PLEKHJ1: variants seen among roughly 807,000 people sequenced by gnomAD.
The protein encoded by PLEKHJ1 is pleckstrin homology domain containing J1, also known as pleckstrin homology domain-containing family J member 1.
In PLEKHJ1, 20 loss-of-function variants were observed where a neutral mutation model predicts 21.7. The observed-to-expected ratio is 0.92, with a 90% CI of 0.65 to 1.34. The LOEUF (loss-of-function observed/expected upper bound fraction) is 1.34, where lower values mean the gene tolerates loss of function less well. Among genes scored for constraint, PLEKHJ1 ranks in the 40% most tolerant of loss-of-function variants. The probability of loss-of-function intolerance (pLI) is 0.00; values close to 1 mark genes in which losing one functional copy is unlikely to be tolerated. For synonymous variants in PLEKHJ1, 113 were observed against 80.6 expected, an observed-to-expected ratio of 1.40 and a Z score of -2.15; for missense variants, 241 against 202.0, an observed-to-expected ratio of 1.19 and a Z score of -1.17.
At chr19:2,234,352 T>C (rs1210011669) in intron 3 of PLEKHJ1, 112 bp from the exon 4 acceptor site, 2 of 755,582 alleles carry the variant, frequency 2.6e-6, no homozygotes, top group African/African-American at 3.4e-5. Context: ...GTTCATGTCC[T>C]GACCCCCCAG....
In PLEKHJ1 at chr19:2,234,148, A is replaced by G. The variant is rs1173442096; in HGVS notation, c.320+2T>C. The G allele has an allele frequency of 6.2e-7, 1 of 1,611,742 alleles. No individual in the cohort carries two copies. The highest frequency in any genetic ancestry group is 2.2e-5 in the East Asian group (1 of 44,848). On this transcript the variant is annotated splice_donor_variant, in intron 4 of 5. Coordinates refer to ENST00000326631, the MANE Select transcript of PLEKHJ1 (RefSeq NM_018049.3). LOFTEE classifies it high-confidence loss of function. ...GCAGTGCCCACCACCGCCTGGCCCC[A>G]CCTGGCCCGACGCAGAGCCTCCATC... is the stretch of plus-strand genomic sequence containing the variant.
chr19:2,235,622 C>T (rs1048565434), intron 3 of PLEKHJ1, 140 bp downstream of exon 3: 3 of 699,756 alleles, frequency 4.3e-6, no homozygotes, highest in Non-Finnish European at 7.1e-6. Context: ...TGCCCGTGGA[C>T]AATGCACTCT....
chr19:2,231,601 C>T (rs898413108), downstream of PLEKHJ1: 7 of 207,500 alleles, frequency 3.4e-5, no homozygotes, highest in Admixed American at 1.2e-4. Flanking sequence ...CCCCACCCCA[C>T]GTTGGTGCTC....
At chr19:2,230,132 G>A (rs968962339), downstream of PLEKHJ1, 6 of 511,488 alleles carry the variant, frequency 1.2e-5, no homozygotes, top group Admixed American at 7.4e-5. Context: ...GGGCGGGCCC[G>A]CCAGCGGATT....
rs769743549 is a variant in PLEKHJ1, at chr19:2,235,911, G to A, written c.162+12C>T. On this transcript the variant is annotated intron_variant, in intron 2 of 5. Coordinates refer to ENST00000326631, the MANE Select transcript of PLEKHJ1 (RefSeq NM_018049.3). Reference sequence around the variant, plus strand: ...AGCCTGGGACCCGCCCGCGCGCCCGGGACGCCCCTACCTCGGCCTCGTCTG... The same window carrying A: ...AGCCTGGGACCCGCCCGCGCGCCCGAGACGCCCCTACCTCGGCCTCGTCTG... 1 of 1,608,062 alleles carries A rather than the reference G, an allele frequency of 6.2e-7. No individual in the cohort carries two copies. Among genetic ancestry groups the A allele is most frequent in the Non-Finnish European group, 8.5e-7 (1 of 1,178,010 alleles).
chr19:2,231,603 TTGG>T (rs1205401598), downstream of PLEKHJ1: 3 of 200,300 alleles, frequency 1.5e-5, no homozygotes, highest in African/African-American at 6.9e-5. Flanking sequence ...CCACCCCACG[TTGG>T]TGCTCTCAGC....
At position 2,233,874 on chromosome 19, in the gene PLEKHJ1, T is replaced by G. The variant is rs751390106; in HGVS notation, c.416A>C (p.Glu139Ala). 83 of 1,611,966 alleles carry G rather than the reference T, an allele frequency of 5.1e-5. No homozygotes were observed. The highest frequency in any genetic ancestry group is 6.7e-5 in the East Asian group (3 of 44,882). The change falls in exon 6 of 6, where the codon GAG becomes GCG. Residue 139 changes from glutamate (E) to alanine (A), a missense_variant. Physicochemically the swap from Glu to Ala is moderately radical, Grantham distance 107. Transcript: ENST00000326631. Reference protein sequence around the residue: ...DPLEQFGISEEARFQLSGLQA With the variant: ...DPLEQFGISEAARFQLSGLQA ...CAAGCCACTCAGCTGGAACCTGGCC[T>G]CCTCGGATATGCCGAACTGTTCCAG...
At chr19:2,234,511 G>A (rs545074217) in intron 3 of PLEKHJ1, 2 of 414,642 alleles carry the variant, frequency 4.8e-6, no homozygotes, top group South Asian at 3.3e-5. Context: ...AGGAGTTCGA[G>A]ACCAGCCTGG....
At chr19:2,235,678 T>C (rs530849489) in intron 3 of PLEKHJ1, 84 bp downstream of exon 3, 4 of 1,279,980 alleles carry the variant, frequency 3.1e-6, no homozygotes, top group Middle Eastern at 2.6e-4. Context: ...AGAGGAGACC[T>C]TGGGCGCCCG....
At position 2,235,906 on chromosome 19, in the gene PLEKHJ1, G is replaced by T; in HGVS notation, c.162+17C>A. 3 of 1,606,980 alleles carry T rather than the reference G, an allele frequency of 1.9e-6. No individual in the cohort carries two copies. Among genetic ancestry groups the T allele is most frequent in the South Asian group, 1.1e-5 (1 of 90,346 alleles). On this transcript the variant is annotated intron_variant, in intron 2 of 5. Transcript: ENST00000326631. Reference sequence around the variant, plus strand: ...GGCCCAGCCTGGGACCCGCCCGCGCGCCCGGGACGCCCCTACCTCGGCCTC... The same window carrying T: ...GGCCCAGCCTGGGACCCGCCCGCGCTCCCGGGACGCCCCTACCTCGGCCTC...
downstream of PLEKHJ1, chr19:2,232,614 T>A (rs1398089704): frequency 5.3e-6 from 1 of 188,722 alleles, no homozygotes; most frequent in Non-Finnish European, 1.1e-5. Flanking sequence ...CCAGGTGGCA[T>A]GAGGCGTCTC....
Position 2,234,027 on chromosome 19 carries a change from T to C in PLEKHJ1, c.355A>G (p.Arg119Gly), listed in dbSNP as rs770936466. 3.1e-6 allele frequency: 5 copies of C among 1,613,522 alleles called. No individual in the cohort carries two copies. The highest frequency in any genetic ancestry group is 4.2e-6 in the Non-Finnish European group (5 of 1,180,012). ...EFMRRSLIFY[R>G]NEIRKVTGKD... The stretch of plus-strand genomic sequence containing the variant: ...CCCGTCACCTTCCGGATTTCGTTCC[T>C]GTAGAAGATGAGGCTTCTCCGCATG... Residue 119 changes from arginine (R) to glycine (G), a missense_variant, in exon 5 of 6, where the codon AGG (arginine) becomes GGG (glycine). By Grantham distance (125) the Arg-to-Gly change is moderately radical. Transcript: ENST00000326631.
chr19:2,229,982 T>A, downstream of PLEKHJ1: 4 of 805,884 alleles, frequency 5.0e-6, no homozygotes, highest in Non-Finnish European at 7.7e-6. Context: ...CTGTCGATAG[T>A]TTTAGATAAA....
chr19:2,230,415 C>T (rs963122152), downstream of PLEKHJ1: 12 of 400,264 alleles, frequency 3.0e-5, no homozygotes, highest in Admixed American at 8.7e-5. Context: ...GACTGTTCAC[C>T]CTCCGGGGCG....
At position 2,235,818 on chromosome 19, in the gene PLEKHJ1, G is replaced by A; in HGVS notation, c.173C>T (p.Ala58Val). 6.4e-7 allele frequency: 1 copy of A among 1,553,818 alleles called. No homozygotes were observed. The highest frequency in any genetic ancestry group is 8.7e-7 in the Non-Finnish European group (1 of 1,149,034). ...FRTDEAEPVGALLLERCRVVR... is the reference protein window; with the variant it reads ...FRTDEAEPVGVLLLERCRVVR... ...GACTCTGCAGCGCTCCAGCAGCAGGGCTCCGACGGGCTGGAGGAGACACGG... is the reference window on the plus strand; with the variant it reads ...GACTCTGCAGCGCTCCAGCAGCAGGACTCCGACGGGCTGGAGGAGACACGG... Residue 58 changes from alanine to valine, a missense_variant, in exon 3 of 6, where the codon GCC becomes GTC. Ala to Val is a moderately conservative substitution (Grantham distance 64). Coordinates refer to ENST00000326631, the MANE Select transcript of PLEKHJ1 (RefSeq NM_018049.3).
chr19:2,234,108 GC>G (rs2024707352), intron 4 of PLEKHJ1, 41 bp downstream of exon 4: 1 of 1,612,344 alleles, frequency 6.2e-7, no homozygotes, highest in Non-Finnish European at 8.5e-7. Flanking sequence ...CTGCATGGCT[GC>G]TGTGCCCACC....
intron 3 of PLEKHJ1, 101 bp from the exon 4 acceptor site, chr19:2,234,341 T>C: frequency 9.5e-6 from 8 of 845,528 alleles, no homozygotes; most frequent in Non-Finnish European, 1.5e-5. Context: ...CACAAAGATG[T>C]GTTCATGTCC....
chr19:2,236,265 G>C lies in PLEKHJ1; in HGVS notation c.-17C>G. 7.4e-7 allele frequency: 1 copy of C among 1,360,166 alleles called. No homozygotes were observed. The highest frequency in any genetic ancestry group is 1.5e-5 in the African/African-American group (1 of 65,080). 84.3% of individuals were successfully genotyped at this position (1,360,166 alleles called of 1,614,324 possible). On this transcript the variant is annotated 5_prime_UTR_variant, in exon 1 of 6. Transcript: ENST00000326631. The stretch of plus-strand genomic sequence containing the variant: ...GTACCGCATGGCTCCGCGGGGAACG[G>C]GAACCCGGGCCGCGCCCTCCCGGCC...
downstream of PLEKHJ1, chr19:2,230,363 G>A (rs1014524082): frequency 2.2e-5 from 9 of 410,106 alleles, no homozygotes; most frequent in African/African-American, 1.8e-4. Flanking sequence ...CCTGGCGCCT[G>A]CCCTGAGCTC....
Sources: gnomAD v4.1 joint callset for allele counts on GRCh38, gnomAD v4.1.1 for gene constraint, MANE v1.5 for transcripts, NCBI Gene and HGNC (gene_info 2026-07-23, HGNC 2026-07-21) for gene names.